The following CMIP variants were observed in gnomAD, a reference collection of about 807,000 sequenced individuals.
The protein encoded by CMIP is c-Maf inducing protein, also known as C-Maf-inducing protein.
A neutral mutation model predicts 97.3 loss-of-function variants in CMIP; 13 were observed. The ratio of observed to expected loss-of-function variants is 0.13; its 90% confidence interval spans 0.09 to 0.21. The LOEUF (loss-of-function observed/expected upper bound fraction) is 0.21. Among genes scored for constraint, CMIP ranks in the 10% least tolerant of loss-of-function variants. The pLI, the probability that CMIP is intolerant of heterozygous loss-of-function variation, is 1.00. For synonymous variants in CMIP, 538 were observed against 436.3 expected (o/e 1.23, Z -2.91); for missense variants, 847 against 1,024.9 (o/e 0.83, Z 2.37).
intron 1 of CMIP, among the ~76,000 whole-genome samples, chr16:81,490,140 G>T (rs1346293460): frequency 3.3e-5 from 5 of 152,184 alleles, no homozygotes; most frequent in Non-Finnish European, 7.3e-5. Flanking sequence ...AAGAGGTTAG[G>T]TGTAGCTAAA....
At chr16:81,510,254 C>T (rs76947140) in intron 1 of CMIP, among the ~76,000 whole-genome samples, 6,774 of 152,218 alleles carry the variant, frequency 0.045, 174 homozygotes, top group Non-Finnish European at 0.062. Context: ...AGGAGCTCCA[C>T]GGAGCAGGTG....
At chr16:81,679,253 ATG>A (rs71391549) in intron 10 of CMIP, among the ~76,000 whole-genome samples, 16,171 of 146,792 alleles carry the variant, frequency 0.11, 934 homozygotes, top group African/African-American at 0.17. Context: ...CTCTGTAGGG[ATG>A]TGTGTGTGTG....
At chr16:81,664,239 C>T (rs576740527) in intron 6 of CMIP, 30 bp from the exon 7 acceptor site, 38 of 1,565,532 alleles carry the variant, frequency 2.4e-5, no homozygotes, top group South Asian at 3.6e-5. Flanking sequence ...TTCTTAGGGC[C>T]GCAGTAACTG....
At chr16:81,667,264 A>G (rs2092614102) in intron 7 of CMIP, 1 of 152,178 alleles carries the variant, frequency 6.6e-6, no homozygotes, top group South Asian at 2.1e-4. Flanking sequence ...TGAAATAAAA[A>G]CTAGAAACAA....
intron 13 of CMIP, among the ~76,000 whole-genome samples, chr16:81,695,008 C>A (rs1316745446): frequency 1.3e-5 from 2 of 152,212 alleles, no homozygotes; most frequent in African/African-American, 4.8e-5. Flanking sequence ...AGCCTTAATT[C>A]AAACCCAGCC....
chr16:81,682,183 G>A (rs1384597943), intron 10 of CMIP, among the ~76,000 whole-genome samples: 1 of 151,602 alleles, frequency 6.6e-6, no homozygotes, highest in Non-Finnish European at 1.5e-5. Flanking sequence ...CAAGCTGGGT[G>A]ACAGAGCAAG....
At chr16:81,533,639 C>T (rs1055143177) in intron 1 of CMIP, among the ~76,000 whole-genome samples, 4 of 152,146 alleles carry the variant, frequency 2.6e-5, no homozygotes, top group African/African-American at 9.6e-5. Flanking sequence ...CCGCCATGCC[C>T]AGCTAATTTT....
At chr16:81,680,232 A>G (rs1027193856) in intron 10 of CMIP, among the ~76,000 whole-genome samples, 1 of 152,142 alleles carries the variant, frequency 6.6e-6, no homozygotes, top group Non-Finnish European at 1.5e-5. Context: ...CTGTGTCGTC[A>G]CGCGCTGGGC....
At chr16:81,615,966 T>G (rs995204137) in intron 2 of CMIP, among the ~76,000 whole-genome samples, 1 of 149,970 alleles carries the variant, frequency 6.7e-6, no homozygotes, top group African/African-American at 2.5e-5. Context: ...TAAACGGGGG[T>G]GGGGAGGGGA....
intron 15 of CMIP, chr16:81,700,712 G>C (rs899150643): frequency 3.3e-5 from 5 of 153,144 alleles, no homozygotes; most frequent in African/African-American, 1.2e-4. Context: ...GCGGGAAGGT[G>C]GGAGCTGAGC....
chr16:81,445,279 C>A lies in CMIP; in HGVS notation c.38C>A (p.Pro13His), dbSNP rs1905757679. ...AGCAGCTCGGGCGGCGGCGGCGACC[C>A]CCGGCAGATCGAGGAGACCAAGCCG... Reference protein sequence around the residue: ...VTSSSGGGGDPRQIEETKPLL... With the variant: ...VTSSSGGGGDHRQIEETKPLL... Residue 13 changes from proline (P) to histidine (H), a missense_variant, in exon 1 of 21, where the codon CCC (proline) becomes CAC (histidine). Physicochemically the swap from Pro to His is moderately conservative, Grantham distance 77 (BLOSUM62 -2). Transcript: ENST00000537098. The A allele has an allele frequency of 6.5e-7, 1 of 1,547,116 alleles. No individual in the cohort carries two copies. The highest frequency in any genetic ancestry group is 1.4e-5 in the African/African-American group (1 of 72,878).
intron 20 of CMIP, among the ~76,000 whole-genome samples, chr16:81,708,465 C>T (rs1051918509): frequency 6.6e-6 from 1 of 152,210 alleles, no homozygotes; most frequent in African/African-American, 2.4e-5. Context: ...GGAAAGAGAA[C>T]ATGGGGAGTG....
chr16:81,447,228 T>G (rs1905910896), intron 1 of CMIP, among the ~76,000 whole-genome samples: 2 of 151,552 alleles, frequency 1.3e-5, no homozygotes, highest in Admixed American at 6.6e-5. Flanking sequence ...CAGGGGGACT[T>G]TATTGGGCTT....
intron 1 of CMIP, among the ~76,000 whole-genome samples, chr16:81,511,088 C>T (rs914238162): frequency 3.2e-4 from 49 of 152,162 alleles, no homozygotes; most frequent in Admixed American, 2.3e-3. Context: ...ATGTACTCAT[C>T]ATCTGCTTCA....
intron 1 of CMIP, among the ~76,000 whole-genome samples, chr16:81,577,903 A>G (rs1416679255): frequency 2.0e-5 from 3 of 149,902 alleles, no homozygotes; most frequent in African/African-American, 7.6e-5. Context: ...CTACGCTATT[A>G]TCACTGTCAC....
intron 3 of CMIP, among the ~76,000 whole-genome samples, chr16:81,626,777 G>C (rs2092073369): frequency 2.2e-5 from 2 of 91,928 alleles, no homozygotes; most frequent in Non-Finnish European, 4.4e-5. Flanking sequence ...TGGAGTGACA[G>C]AGAGAGAGAG....
chr16:81,540,747 C>G (rs919139999), intron 1 of CMIP, among the ~76,000 whole-genome samples: 1 of 151,384 alleles, frequency 6.6e-6, no homozygotes, highest in African/African-American at 2.4e-5. Context: ...GTGGCGCGAT[C>G]TCGGCTTACT....
chr16:81,551,826 C>G (rs190082555), intron 1 of CMIP, among the ~76,000 whole-genome samples: 1 of 152,252 alleles, frequency 6.6e-6, no homozygotes, highest in Non-Finnish European at 1.5e-5. Flanking sequence ...ATGTGGGTGA[C>G]AGCTCCTGCT....
intron 4 of CMIP, among the ~76,000 whole-genome samples, chr16:81,653,795 T>G (rs879425542): frequency 1.3e-5 from 2 of 152,226 alleles, no homozygotes; most frequent in Non-Finnish European, 2.9e-5. Flanking sequence ...GTATTTTTAG[T>G]AGAGACAAGG....
Sources: allele counts gnomAD v4.1 joint callset (sites outside exome capture counted in the v4.1 genomes callset), GRCh38; gene constraint gnomAD v4.1.1; transcripts MANE v1.5; gene names NCBI Gene and HGNC (gene_info 2026-07-23, HGNC 2026-07-21).